RAB30: variants seen among roughly 807,000 people sequenced by gnomAD.
The protein encoded by RAB30 is ras-related protein Rab-30.
A neutral mutation model predicts 25.1 loss-of-function variants in RAB30; 9 were observed. The ratio of observed to expected loss-of-function variants is 0.36; its 90% CI spans 0.22 to 0.63. The LOEUF (loss-of-function observed/expected upper bound fraction) is 0.63, where lower values mean the gene tolerates loss of function less well. Ranked by LOEUF, RAB30 falls within the 20% of genes least tolerant of loss-of-function variation. RAB30 has a pLI of 0.69. For synonymous variants in RAB30, 77 were observed against 86.4 expected, an observed-to-expected ratio of 0.89 and a Z score of 0.60; for missense variants, 140 against 243.5, an observed-to-expected ratio of 0.58 and a Z score of 2.83.
chr11:82,982,022 G>T lies in RAB30; in HGVS notation c.*143C>A. The T allele has an allele frequency of 8.8e-7, 1 of 1,135,782 alleles. No homozygotes were observed. The highest frequency in any genetic ancestry group is 1.3e-6 in the Non-Finnish European group (1 of 794,816). 70.4% of individuals were successfully genotyped at this position (1,135,782 alleles called of 1,614,324 possible). ...ATGCTGGCCTGTGGTCGAGGCCCTT[G>T]GCCTGCCATGCTTTGTAAGCTCAGG... is the stretch of plus-strand genomic sequence containing the variant. On this transcript the variant is annotated 3_prime_UTR_variant, in exon 5 of 5. Coordinates refer to ENST00000527633, the MANE Select transcript of RAB30 (RefSeq NM_001286060.2).
chr11:83,031,201 T>G (rs191941333), intron 1 of RAB30, among the ~76,000 whole-genome samples: 419 of 152,388 alleles, frequency 2.7e-3, no homozygotes, highest in Non-Finnish European at 4.6e-3. Context: ...CCACCCAGTG[T>G]GTGGTATTTT....
intron 2 of RAB30, among the ~76,000 whole-genome samples, 171 bp from the exon 3 acceptor site, chr11:82,994,293 T>C (rs1856915504): frequency 6.6e-6 from 1 of 152,056 alleles, no homozygotes; most frequent in East Asian, 1.9e-4. Context: ...TCTGTATGTA[T>C]GTCTTGAGGG....
chr11:83,029,907 G>A lies in RAB30; in HGVS notation c.-8-32583C>T, dbSNP rs76927756. On this transcript the variant is annotated intron_variant, in intron 1 of 4. Coordinates refer to ENST00000527633, the MANE Select transcript of RAB30 (RefSeq NM_001286060.2). ...CTTTTGCAGCAACTTGGATTGAGCT[G>A]GAAGCCATTATTCTAAGTGAAGTAA... is the stretch of plus-strand genomic sequence containing the variant. 2.9e-4 allele frequency among the ~76,000 whole-genome samples: 44 copies of A among 152,254 alleles called. 2 individuals carry two copies. The East Asian group carries it at 8.1e-3, about 28-fold the overall frequency.
chr11:83,009,621 A>G (rs73510111), intron 1 of RAB30, among the ~76,000 whole-genome samples: 74 of 152,250 alleles, frequency 4.9e-4, no homozygotes, highest in African/African-American at 1.3e-3. Context: ...AATAAAATAA[A>G]ATAAAATAAA....
chr11:83,003,770 A>G (rs1189480939), intron 1 of RAB30, among the ~76,000 whole-genome samples: 1 of 152,010 alleles, frequency 6.6e-6, no homozygotes, highest in East Asian at 2.0e-4. Context: ...ATTTTATTAC[A>G]AATTTGTTAA....
Position 82,994,017 on chromosome 11 carries a change from TAGTG to T in RAB30, c.177+18_177+21del. 1.3e-6 allele frequency: 2 copies of T among 1,548,890 alleles called. No homozygotes were observed. Among genetic ancestry groups the T allele is most frequent in the Non-Finnish European group, 1.8e-6 (2 of 1,121,478 alleles). On this transcript the variant is annotated intron_variant, in intron 3 of 4. Coordinates refer to ENST00000527633, the MANE Select transcript of RAB30 (RefSeq NM_001286060.2). ...CCTCTCACATAGCACCTGACAACCT[TAGTG>T]AATATTTAGCACCTTACCTTTACTT...
chr11:83,059,390 T>C (rs143406595), intron 1 of RAB30, among the ~76,000 whole-genome samples: 2 of 152,256 alleles, frequency 1.3e-5, no homozygotes, highest in African/African-American at 4.8e-5. Context: ...ACCCTAATTC[T>C]TGTTTGCAGT....
In RAB30 at chr11:83,056,354, A is replaced by G. The variant is rs146408940; in HGVS notation, c.-9+15337T>C. On this transcript the variant is annotated intron_variant, in intron 1 of 4. Coordinates refer to ENST00000527633, the MANE Select transcript of RAB30 (RefSeq NM_001286060.2). ...CATCCACGTGGTGGCATGTGTCACA[A>G]CTTCCTTCCTTTTTAAAGCTGAGTA... Among the ~76,000 whole-genome samples the G allele has an allele frequency of 5.5e-3, 832 of 152,260 alleles. 7 individuals are homozygous for G. The highest frequency in any genetic ancestry group is 0.019 in the African/African-American group (784 of 41,546).
chr11:83,071,829 T>G lies in RAB30; in HGVS notation c.-147A>C, dbSNP rs1858855325. The G allele has an allele frequency of 2.8e-6, 1 of 353,206 alleles. No homozygotes were observed. The highest frequency in any genetic ancestry group is 5.0e-6 in the Non-Finnish European group (1 of 198,354). 21.9% of individuals were successfully genotyped at this position (353,206 alleles called of 1,614,324 possible). The stretch of plus-strand genomic sequence containing the variant: ...CCTGCCCTGGTGCTGCTGCTACACT[T>G]AGCTCAGCTGGAGCGAGCGGCAATC... On this transcript the variant is annotated 5_prime_UTR_variant, in exon 1 of 5. Coordinates refer to ENST00000527633, the MANE Select transcript of RAB30 (RefSeq NM_001286060.2).
At chr11:82,995,801 C>A (rs1177038545) in intron 2 of RAB30, among the ~76,000 whole-genome samples, 1 of 152,156 alleles carries the variant, frequency 6.6e-6, no homozygotes, top group East Asian at 1.9e-4. Flanking sequence ...CCTAGCCTTG[C>A]CACTCTATCT....
chr11:82,999,793 T>C (rs1857038541), intron 1 of RAB30, among the ~76,000 whole-genome samples: 1 of 152,130 alleles, frequency 6.6e-6, no homozygotes, highest in African/African-American at 2.4e-5. Flanking sequence ...TCCTCCAGTC[T>C]GCTCCTCTGA....
At chr11:83,038,898 G>C (rs1858045722) in intron 1 of RAB30, 1 of 151,232 alleles carries the variant, frequency 6.6e-6, no homozygotes, top group African/African-American at 2.4e-5. Context: ...CTATATGCTA[G>C]GCATGTGCTA....
rs890087722 is a variant in RAB30, at chr11:82,979,047, T to C, written c.*3118A>G. The C allele has an allele frequency of 2.0e-5, 3 of 152,056 alleles. No homozygotes were observed. Among genetic ancestry groups the C allele is most frequent in the African/African-American group, 7.2e-5 (3 of 41,416 alleles). 9.4% of individuals were successfully genotyped at this position (152,056 alleles called of 1,614,324 possible). ...ATCCATCAAAAAAGATAATTGGCCC[T>C]GTAAATTCAAAAAATATTAATATAA... On this transcript the variant is annotated 3_prime_UTR_variant, in exon 5 of 5. Coordinates refer to ENST00000527633, the MANE Select transcript of RAB30 (RefSeq NM_001286060.2).
intron 3 of RAB30, 141 bp downstream of exon 3, chr11:82,993,898 C>T (rs1565269739): frequency 1.6e-6 from 1 of 625,654 alleles, no homozygotes; most frequent in Admixed American, 3.3e-5. Flanking sequence ...TAGAAGAACT[C>T]TGGAAATAAG....
At chr11:83,043,884 G>A (rs886741911) in intron 1 of RAB30, among the ~76,000 whole-genome samples, 53 of 152,124 alleles carry the variant, frequency 3.5e-4, no homozygotes, top group Non-Finnish European at 2.6e-4. Flanking sequence ...TTTACTGGAG[G>A]AAACACTACT....
At chr11:83,030,773 G>A (rs1226560666) in intron 1 of RAB30, among the ~76,000 whole-genome samples, 2 of 151,436 alleles carry the variant, frequency 1.3e-5, no homozygotes, top group Non-Finnish European at 2.9e-5. Flanking sequence ...CTTCAGCCTG[G>A]GCAACACAGC....
intron 1 of RAB30, among the ~76,000 whole-genome samples, chr11:83,064,680 A>G (rs894677894): frequency 9.9e-5 from 15 of 152,204 alleles, no homozygotes; most frequent in Middle Eastern, 3.2e-3. Flanking sequence ...CTACCTCCTG[A>G]AGCAGCCCTT....
rs190402735 is a variant in RAB30, at chr11:83,059,423, A to G, written c.-9+12268T>C. On this transcript the variant is annotated intron_variant, in intron 1 of 4. Transcript: ENST00000527633. ...AGTTTCATAGTTTTCCCTTGTGTATACATACCCATTTATTTAACCAGTTCC... is the reference window on the plus strand; with the variant it reads ...AGTTTCATAGTTTTCCCTTGTGTATGCATACCCATTTATTTAACCAGTTCC... 1.2e-4 allele frequency among the ~76,000 whole-genome samples: 18 copies of G among 152,310 alleles called. No homozygotes were observed. The South Asian group carries it at 2.1e-3, about 18-fold the overall frequency.
intron 1 of RAB30, among the ~76,000 whole-genome samples, chr11:83,065,528 T>G (rs981572822): frequency 2.0e-5 from 3 of 152,180 alleles, no homozygotes; most frequent in Non-Finnish European, 4.4e-5. Context: ...CCCAAAGTGC[T>G]AGGATTCCAG....
Sources: allele counts gnomAD v4.1 joint callset (sites outside exome capture counted in the v4.1 genomes callset), GRCh38; gene constraint gnomAD v4.1.1; transcripts MANE v1.5; gene names NCBI Gene and HGNC (gene_info 2026-07-23, HGNC 2026-07-21).